Variants in PGR observed in about 807,000 individuals in gnomAD.
The protein encoded by PGR is nuclear receptor subfamily 3 group C member 3.
A neutral mutation model predicts 76.1 loss-of-function variants in PGR; 25 were observed. The ratio of observed to expected loss-of-function variants is 0.33; its 90% CI spans 0.24 to 0.46. PGR has a LOEUF of 0.46. Among genes scored for constraint, PGR ranks in the 20% least tolerant of loss-of-function variants. The pLI, the probability that PGR is intolerant of heterozygous loss-of-function variation, is 1.00. For synonymous variants in PGR, 579 were observed against 535.0 expected (o/e 1.08, Z -1.14); for missense variants, 1,172 against 1,225.3 (o/e 0.96, Z 0.65).
At chr11:101,086,370 G>A (rs1861500940) in intron 3 of PGR, among the ~76,000 whole-genome samples, 1 of 152,076 alleles carries the variant, frequency 6.6e-6, no homozygotes. Context: ...CACAGAAACA[G>A]CTTTCGATAA....
chr11:101,128,285 T>C lies in PGR; in HGVS notation c.786A>G (p.Ala262=). The C allele has an allele frequency of 5.0e-6, 8 of 1,591,434 alleles. No individual in the cohort carries two copies. The highest frequency in any genetic ancestry group is 6.8e-6 in the Non-Finnish European group (8 of 1,175,128). Reference sequence around the variant, plus strand: ...CCTTGGGGACCAGGGCGACGCCTCCTGCTGCCGCCCCCGGCGGGACAGCCG... The same window carrying C: ...CCTTGGGGACCAGGGCGACGCCTCCCGCTGCCGCCCCCGGCGGGACAGCCG... The part of the protein sequence containing the change: ...GAAAVPPGAA[A]GGVALVPKED... Residue 262 remains alanine (A), a synonymous_variant, in exon 1 of 8, where the codon GCA becomes GCG. Transcript: ENST00000325455.
At position 101,031,960 on chromosome 11, in the gene PGR, CTT is replaced by C. The variant is rs1473697595; in HGVS notation, c.*7154_*7155del. 15 of 232,182 alleles carry C rather than the reference CTT, an allele frequency of 6.5e-5. No homozygotes were observed. In the East Asian group the frequency reaches 9.2e-4, roughly 14 times the overall value. The allele number at this position is 232,182 out of a possible 1,614,324, so 14.4% of individuals were successfully genotyped here. ...TCTTACCCGTGTGTATAGACCTGGA[CTT>C]TGAGGTTGGACAGACATGCAAAGGT... On this transcript the variant is annotated 3_prime_UTR_variant, in exon 8 of 8. Coordinates refer to ENST00000325455, the MANE Select transcript of PGR (RefSeq NM_000926.4).
chr11:101,034,822 T>C lies in PGR; in HGVS notation c.*4294A>G. 1 of 179,066 alleles carries C rather than the reference T, an allele frequency of 5.6e-6. No homozygotes were observed. Among genetic ancestry groups the C allele is most frequent in the East Asian group, 9.2e-5 (1 of 10,814 alleles). 11.1% of individuals were successfully genotyped at this position (179,066 alleles called of 1,614,324 possible). Reference sequence around the variant, plus strand: ...GGTGAAGAGTCAGTTGTTTTACTGCTTTTTGTTCAATTTTGTATTTAGTAA... The same window carrying C: ...GGTGAAGAGTCAGTTGTTTTACTGCCTTTTGTTCAATTTTGTATTTAGTAA... On this transcript the variant is annotated 3_prime_UTR_variant, in exon 8 of 8. Transcript: ENST00000325455.
At chr11:101,054,556 CT>C (rs1225261100) in intron 4 of PGR, among the ~76,000 whole-genome samples, 1 of 152,004 alleles carries the variant, frequency 6.6e-6, no homozygotes, top group Non-Finnish European at 1.5e-5. Flanking sequence ...AATGAATTGT[CT>C]TAATTTTTGA....
chr11:101,042,223 C>T (rs1859715942), intron 6 of PGR, 121 bp from the exon 7 acceptor site: 2 of 896,920 alleles, frequency 2.2e-6, no homozygotes, highest in Admixed American at 2.3e-5. Context: ...AAAAAAAACA[C>T]CTTATATAGG....
chr11:101,069,944 G>A (rs998311992), intron 3 of PGR, among the ~76,000 whole-genome samples: 4 of 151,614 alleles, frequency 2.6e-5, no homozygotes, highest in African/African-American at 9.7e-5. Flanking sequence ...CATGGCACAT[G>A]TATATCTATG....
chr11:101,093,005 G>C (rs1334720154), intron 2 of PGR, among the ~76,000 whole-genome samples: 1 of 152,116 alleles, frequency 6.6e-6, no homozygotes. Flanking sequence ...GAAAGGATTA[G>C]CCTAAACGGC....
chr11:101,071,001 T>A (rs1015054958), intron 3 of PGR, among the ~76,000 whole-genome samples: 1 of 152,114 alleles, frequency 6.6e-6, no homozygotes. Flanking sequence ...CTCAAGTGGG[T>A]CCCTGACCCC....
intron 4 of PGR, 37 bp downstream of exon 4, chr11:101,062,410 T>G: frequency 1.4e-6 from 2 of 1,466,124 alleles, no homozygotes; most frequent in East Asian, 2.3e-5. Flanking sequence ...ACATAGTATA[T>G]TTTTTATTAC....
chr11:101,029,803 C>A lies in PGR; in HGVS notation c.*9313G>T, dbSNP rs1859294876. The A allele has an allele frequency of 4.6e-6, 1 of 218,730 alleles. No homozygotes were observed. Among genetic ancestry groups the A allele is most frequent in the South Asian group, 1.8e-4 (1 of 5,412 alleles). 13.5% of individuals were successfully genotyped at this position (218,730 alleles called of 1,614,324 possible). A position where few individuals can be genotyped will look rare whatever the true frequency, so the allele number is the denominator to read the frequency against. On this transcript the variant is annotated 3_prime_UTR_variant, in exon 8 of 8. Transcript: ENST00000325455. Reference sequence around the variant, plus strand: ...TTATGTGAACCACAAAATATTTTCTCTGAAATCTACACTTAGTTTAAAAAC... The same window carrying A: ...TTATGTGAACCACAAAATATTTTCTATGAAATCTACACTTAGTTTAAAAAC...
At chr11:101,124,119 C>G (rs1862765513) in intron 2 of PGR, among the ~76,000 whole-genome samples, 1 of 152,186 alleles carries the variant, frequency 6.6e-6, no homozygotes, top group Non-Finnish European at 1.5e-5. Flanking sequence ...AATGATTTAT[C>G]TGCATCAATC....
chr11:101,058,911 C>T (rs1591378263), intron 4 of PGR, among the ~76,000 whole-genome samples: 1 of 152,144 alleles, frequency 6.6e-6, no homozygotes, highest in South Asian at 2.1e-4. Flanking sequence ...AAGGCCAGTA[C>T]TTACTGTAGC....
chr11:101,093,556 G>A (rs982457708), intron 2 of PGR, among the ~76,000 whole-genome samples: 20 of 152,164 alleles, frequency 1.3e-4, no homozygotes, highest in Admixed American at 1.3e-4. Context: ...CACCTCCTGG[G>A]TTCAAGGAAC....
chr11:101,124,335 G>A (rs1456453251), intron 2 of PGR, among the ~76,000 whole-genome samples: 1 of 152,038 alleles, frequency 6.6e-6, no homozygotes, highest in Non-Finnish European at 1.5e-5. Context: ...TTCTATATAT[G>A]CACTTTATGA....
chr11:101,045,150 AAAAC>A (rs1341210120), intron 6 of PGR, among the ~76,000 whole-genome samples: 2 of 152,206 alleles, frequency 1.3e-5, no homozygotes, highest in Non-Finnish European at 2.9e-5. Flanking sequence ...AAACTTATGA[AAAAC>A]AAATAAGTTA....
At chr11:101,116,027 T>C (rs924584388) in intron 2 of PGR, among the ~76,000 whole-genome samples, 2 of 152,240 alleles carry the variant, frequency 1.3e-5, no homozygotes, top group Non-Finnish European at 2.9e-5. Context: ...AATATTTACA[T>C]AGACTACAAG....
In PGR at chr11:101,128,471, A is replaced by G; in HGVS notation, c.600T>C (p.Ser200=). The stretch of plus-strand genomic sequence containing the variant: ...GGGCCCCGGACCAGTGAGGGCTCTC[A>G]GAGGCCGGGAGCAGCAGCTGCCGGG... ...SPARQLLLPA[S]ESPHWSGAPV... Residue 200 remains serine (S), a synonymous_variant, in exon 1 of 8, where the codon TCT becomes TCC. Coordinates refer to ENST00000325455, the MANE Select transcript of PGR (RefSeq NM_000926.4). 1 of 1,608,092 alleles carries G rather than the reference A, an allele frequency of 6.2e-7. No individual in the cohort carries two copies. Among genetic ancestry groups the G allele is most frequent in the Non-Finnish European group, 8.5e-7 (1 of 1,179,320 alleles).
At position 101,050,078 on chromosome 11, in the gene PGR, C is replaced by T; in HGVS notation, c.2358-19G>A. 1 of 1,611,122 alleles carries T rather than the reference C, an allele frequency of 6.2e-7. No individual in the cohort carries two copies. The highest frequency in any genetic ancestry group is 8.5e-7 in the Non-Finnish European group (1 of 1,178,392). On this transcript the variant is annotated intron_variant, in intron 5 of 7. Coordinates refer to ENST00000325455, the MANE Select transcript of PGR (RefSeq NM_000926.4). ...CCGCTGTCTTGCATCACACACAATA[C>T]ACAAAAGAAAAAGCAACAGGAAAAA... is the stretch of plus-strand genomic sequence containing the variant.
At chr11:101,123,295 A>G (rs1057375118) in intron 2 of PGR, among the ~76,000 whole-genome samples, 1 of 152,208 alleles carries the variant, frequency 6.6e-6, no homozygotes, top group Admixed American at 6.5e-5. Context: ...CCTTGGCAAC[A>G]TTAGTATCCA....
Sources: allele counts gnomAD v4.1 joint callset (sites outside exome capture counted in the v4.1 genomes callset), GRCh38; gene constraint gnomAD v4.1.1; transcripts MANE v1.5; gene names NCBI Gene and HGNC (gene_info 2026-07-23, HGNC 2026-07-21).